The following PCDHGB3 variants were observed in gnomAD, a reference collection of about 807,000 sequenced individuals.
PCDHGB3 encodes protocadherin gamma-B3.
Under a neutral mutation model 59.2 loss-of-function variants are expected in PCDHGB3, and 40 were observed. The ratio of observed to expected loss-of-function variants is 0.68; its 90% CI spans 0.52 to 0.88. The LOEUF is 0.88. Ranked by LOEUF, PCDHGB3 falls within the 40% of genes least tolerant of loss-of-function variation. PCDHGB3 has a pLI of 0.00. For missense variants in PCDHGB3, 1,309 were observed against 1,187.9 expected (o/e 1.10, Z -1.50); for synonymous variants, 581 against 503.6 (o/e 1.15, Z -2.06).
chr5:141,500,184 T>TTTTATTTATTTATTTATTTA (rs58019021), intron 2 of PCDHGB3, among the ~76,000 whole-genome samples: 1 of 135,886 alleles, frequency 7.4e-6, no homozygotes, highest in African/African-American at 2.7e-5. Flanking sequence ...TCATTTTTAT[T>TTTTATTTATTTATTTATTTA]TTTATTTATT....
chr5:141,495,412 G>A lies in PCDHGB3; in HGVS notation c.2474+547G>A, dbSNP rs188302135. 2.2e-4 allele frequency among the ~76,000 whole-genome samples: 33 copies of A among 152,284 alleles called. No homozygotes were observed. The East Asian group carries it at 6.4e-3, about 29-fold the overall frequency. ...GGCATGGAGCAGGCCCCCTTCTCCG[G>A]CCCCTCCTCCCACTGTCCTCTGCCC... On this transcript the variant is annotated intron_variant, in intron 2 of 3. Coordinates refer to ENST00000576222, the MANE Select transcript of PCDHGB3 (RefSeq NM_018924.5).
In PCDHGB3 at chr5:141,512,237, G is replaced by A. The variant is rs2099884134; in HGVS notation, c.*1064G>A. ...AGGACCAGGTCCCCTTGAGAGGTCA[G>A]AGGGGCCTCTGTGGGTGCTGGGTAC... On this transcript the variant is annotated 3_prime_UTR_variant, in exon 4 of 4. Transcript: ENST00000576222. 1 of 152,774 alleles carries A rather than the reference G, an allele frequency of 6.5e-6. No homozygotes were observed. The highest frequency in any genetic ancestry group is 1.5e-5 in the Non-Finnish European group (1 of 68,148). The allele number at this position is 152,774 out of a possible 1,614,324, so 9.5% of individuals were successfully genotyped here.
chr5:141,467,572 G>A (rs1351985954), intron 1 of PCDHGB3, among the ~76,000 whole-genome samples: 1 of 152,184 alleles, frequency 6.6e-6, no homozygotes, highest in African/African-American at 2.4e-5. Flanking sequence ...TGGCTATCCA[G>A]TTGTCCCAAT....
In PCDHGB3 at chr5:141,491,928, G is replaced by T; in HGVS notation, c.2416-2879G>T. 1 of 1,301,482 alleles carries T rather than the reference G, an allele frequency of 7.7e-7. No homozygotes were observed. Among genetic ancestry groups the T allele is most frequent in the South Asian group, 1.6e-5 (1 of 63,466 alleles). 80.6% of individuals were successfully genotyped at this position (1,301,482 alleles called of 1,614,324 possible). A position where few individuals can be genotyped will look rare whatever the true frequency, so the allele number is the denominator to read the frequency against. On this transcript the variant is annotated intron_variant, in intron 1 of 3. Coordinates refer to ENST00000576222, the MANE Select transcript of PCDHGB3 (RefSeq NM_018924.5). The surrounding 1 kb of genome is among the most constrained non-coding windows in gnomAD (Gnocchi z 6.9). ...TGGTGGCGACTGTGGGCGAGGGGAG[G>T]TGGGACCGACCCCCACCCCTACACT... is the stretch of plus-strand genomic sequence containing the variant.
chr5:141,501,182 C>A (rs531641143), intron 2 of PCDHGB3, among the ~76,000 whole-genome samples: 1 of 152,126 alleles, frequency 6.6e-6, no homozygotes, highest in Non-Finnish European at 1.5e-5. Context: ...TACATTTTAA[C>A]ACAATTAAAT....
chr5:141,408,667 C>T, intron 1 of PCDHGB3: 1 of 1,613,954 alleles, frequency 6.2e-7, no homozygotes, highest in Non-Finnish European at 8.5e-7. Flanking sequence ...TATCGCTTGA[C>T]CCTGCCACGG....
At position 141,511,345 on chromosome 5, in the gene PCDHGB3, T is replaced by C; in HGVS notation, c.*172T>C. ...AAGTGCCCAGTCAGCACCTACCCCT[T>C]CCCCCCCAGGGGGTTGAATATGCAA... On this transcript the variant is annotated 3_prime_UTR_variant, in exon 4 of 4. Transcript: ENST00000576222. The C allele has an allele frequency of 1.4e-6, 2 of 1,410,502 alleles. No homozygotes were observed. The highest frequency in any genetic ancestry group is 9.4e-7 in the Non-Finnish European group (1 of 1,060,676). 87.4% of individuals were successfully genotyped at this position (1,410,502 alleles called of 1,614,324 possible).
At chr5:141,372,885 A>G (rs1011969316) in intron 1 of PCDHGB3, 76 bp downstream of exon 1, 5 of 1,202,158 alleles carry the variant, frequency 4.2e-6, no homozygotes, top group Non-Finnish European at 4.5e-6. Flanking sequence ...AAAAGAATAC[A>G]GATTAAATAT....
intron 3 of PCDHGB3, among the ~76,000 whole-genome samples, chr5:141,506,444 CAAAAAAAAAA>C (rs1219684339): frequency 8.4e-5 from 8 of 95,030 alleles, no homozygotes; most frequent in Non-Finnish European, 1.3e-4. Context: ...CGCTCTGTCT[CAAAAAAAAAA>C]AAAAAAAAAA....
At chr5:141,394,379 T>C in intron 1 of PCDHGB3, 1 of 1,614,160 alleles carries the variant, frequency 6.2e-7, no homozygotes, top group Non-Finnish European at 8.5e-7. Context: ...CTTTCGACTA[T>C]GAGCAGATCC....
chr5:141,392,659 A>T, intron 1 of PCDHGB3: 2 of 788,300 alleles, frequency 2.5e-6, no homozygotes, highest in Non-Finnish European at 3.8e-6. Flanking sequence ...CGCAGATGCC[A>T]CAAACTAACT....
At chr5:141,505,239 G>A (rs2099844708) in intron 2 of PCDHGB3, 154 bp from the exon 3 acceptor site, 1 of 886,092 alleles carries the variant, frequency 1.1e-6, no homozygotes, top group Middle Eastern at 5.9e-4. Context: ...GCTTCTGAAG[G>A]ATTGTAGAAG....
intron 1 of PCDHGB3, chr5:141,423,413 C>T (rs757696505): frequency 2.5e-6 from 4 of 1,614,022 alleles, no homozygotes; most frequent in South Asian, 2.2e-5. Flanking sequence ...CTGCAGGCTT[C>T]TGAAGGCGGG....
chr5:141,378,080 AT>A (rs1360120738), intron 1 of PCDHGB3: 30 of 152,322 alleles, frequency 2.0e-4, no homozygotes, highest in African/African-American at 7.2e-4. Flanking sequence ...AAATAATTTT[AT>A]AACTTTTTTT....
rs13178808 is a variant in PCDHGB3 at position 141,491,920 on chromosome 5, G to A, written c.2416-2887G>A. 1.2e-4 allele frequency: 164 copies of A among 1,356,270 alleles called. No individual in the cohort carries two copies. Among genetic ancestry groups the A allele is most frequent in the Non-Finnish European group, 1.5e-4 (155 of 1,015,194 alleles). The allele number at this position is 1,356,270 out of a possible 1,614,324, so 84.0% of individuals were successfully genotyped here. On this transcript the variant is annotated intron_variant, in intron 1 of 3. Transcript: ENST00000576222. This position sits in a 1 kb window ranked among gnomAD's most constrained non-coding sequence, Gnocchi z 6.9. ...ACCGGGGGTGGTGGCGACTGTGGGC[G>A]AGGGGAGGTGGGACCGACCCCCACC...
Position 141,388,273 on chromosome 5 carries a change from C to T in PCDHGB3, c.2415+15464C>T. On this transcript the variant is annotated intron_variant, in intron 1 of 3. Coordinates refer to ENST00000576222, the MANE Select transcript of PCDHGB3 (RefSeq NM_018924.5). ...GAGATCGAGGACATTAATGACCACA[C>T]GCCAAAATTCACGCAAAATTCCTTT... The T allele has an allele frequency of 3.1e-6, 5 of 1,597,470 alleles. No homozygotes were observed. Among genetic ancestry groups the T allele is most frequent in the Non-Finnish European group, 4.3e-6 (5 of 1,172,964 alleles).
intron 1 of PCDHGB3, chr5:141,418,028 A>C (rs767425160): frequency 1.2e-6 from 2 of 1,613,970 alleles, no homozygotes; most frequent in East Asian, 4.5e-5. Context: ...TCTAGGGCTT[A>C]GTGTCCTGGA....
At chr5:141,422,806 C>A in intron 1 of PCDHGB3, 1 of 1,614,208 alleles carries the variant, frequency 6.2e-7, no homozygotes, top group Non-Finnish European at 8.5e-7. Flanking sequence ...TGAGCAGTTT[C>A]GAGACTTAGA....
At chr5:141,393,194 C>A in intron 1 of PCDHGB3, 2 of 1,613,362 alleles carry the variant, frequency 1.2e-6, no homozygotes, top group Non-Finnish European at 1.7e-6. Context: ...TTGATATTAA[C>A]GATAATAACC....
Sources: gnomAD v4.1 joint callset for allele counts (sites outside exome capture counted in the v4.1 genomes callset) on GRCh38, gnomAD v4.1.1 for gene constraint, Gnocchi (gnomAD v3.1) non-coding constraint, MANE v1.5 for transcripts, NCBI Gene and HGNC (gene_info 2026-07-23, HGNC 2026-07-21) for gene names.